The following PLEKHA5 variants were observed in gnomAD, a reference collection of about 807,000 sequenced individuals.
PLEKHA5 encodes the protein pleckstrin homology domain-containing family A member 5.
In PLEKHA5, 55 loss-of-function variants were observed where a neutral mutation model predicts 181.9. The observed-to-expected ratio is 0.30, with a 90% CI of 0.24 to 0.38. The LOEUF is 0.38. Among genes scored for constraint, PLEKHA5 ranks in the 10% least tolerant of loss-of-function variants. The probability of loss-of-function intolerance (pLI) is 1.00; values close to 1 mark genes in which losing one functional copy is unlikely to be tolerated. For synonymous variants in PLEKHA5, 535 were observed against 529.4 expected (o/e 1.01, Z -0.15); for missense variants, 1,432 against 1,549.5 (o/e 0.92, Z 1.27).
intron 3 of PLEKHA5, among the ~76,000 whole-genome samples, chr12:19,166,160 G>A (rs186932304): frequency 7.4e-4 from 113 of 152,184 alleles, no homozygotes; most frequent in Non-Finnish European, 1.4e-3. Context: ...TCAATAAACT[G>A]TGTGTGGGCT....
At chr12:19,175,978 C>T (rs934727982) in intron 3 of PLEKHA5, among the ~76,000 whole-genome samples, 5 of 152,038 alleles carry the variant, frequency 3.3e-5, no homozygotes, top group South Asian at 2.1e-4. Flanking sequence ...CTAAGAAATA[C>T]GTATTAAAAG....
chr12:19,284,552 T>C (rs553003448), intron 12 of PLEKHA5, among the ~76,000 whole-genome samples: 95 of 152,346 alleles, frequency 6.2e-4, no homozygotes, highest in Admixed American at 1.4e-3. Context: ...CTCGATTTAA[T>C]ATTGTAGCTT....
intron 31 of PLEKHA5, chr12:19,372,648 TGTCAGTTG>T (rs2095612108): frequency 6.6e-6 from 1 of 152,210 alleles, no homozygotes; most frequent in Non-Finnish European, 1.5e-5. Context: ...CTTCTGTTTT[TGTCAGTTG>T]GTATCTGTGC....
intron 30 of PLEKHA5, among the ~76,000 whole-genome samples, chr12:19,368,238 C>T (rs1293842691): frequency 6.6e-6 from 1 of 152,148 alleles, no homozygotes; most frequent in Admixed American, 6.6e-5. Flanking sequence ...CGCCTATAAT[C>T]TCAGCACTTT....
rs145502704 is a variant in PLEKHA5, at chr12:19,263,504, A to T, written c.611-2246A>T. 3.9e-3 allele frequency among the ~76,000 whole-genome samples: 594 copies of T among 152,328 alleles called. 3 individuals are homozygous for T. The highest frequency in any genetic ancestry group is 0.014 in the African/African-American group (573 of 41,566). On this transcript the variant is annotated intron_variant, in intron 7 of 31. Coordinates refer to ENST00000429027, the MANE Select transcript of PLEKHA5 (RefSeq NM_001256470.2). ...TCATTTCTTCTCCATTTCTCAAAGC[A>T]TCTAGTCTACTGACATAAAAAGTGT... is the stretch of plus-strand genomic sequence containing the variant.
Position 19,183,559 on chromosome 12 carries a change from G to T in PLEKHA5, c.227+51109G>T, listed in dbSNP as rs1289955982. ...ATTCAGATTGTAACGACACTTTAAT[G>T]TTAAGAGGCATGTCACTGAGAAGCA... On this transcript the variant is annotated intron_variant, in intron 3 of 31. Transcript: ENST00000429027. Among the ~76,000 whole-genome samples the T allele has an allele frequency of 2.0e-4, 31 of 152,146 alleles. 1 individual carries two copies. The highest frequency in any genetic ancestry group is 2.0e-3 in the Admixed American group (31 of 15,270).
At chr12:19,162,827 G>A (rs140710899) in intron 3 of PLEKHA5, among the ~76,000 whole-genome samples, 2 of 152,096 alleles carry the variant, frequency 1.3e-5, no homozygotes, top group Non-Finnish European at 2.9e-5. Flanking sequence ...TATAATTATG[G>A]GCGGTGATGG....
Position 19,347,074 on chromosome 12 carries a change from G to A in PLEKHA5, c.2790G>A (p.Leu930=). The change falls in exon 24 of 32, where the codon CTG becomes CTA. Residue 930 remains leucine (L), a synonymous_variant. Transcript: ENST00000429027. ...AGCAGCCTCCCATAATCCCCCCTCT[G>A]CCCAGTGATAGCAGCTCCTTGCTCT... ...FTEQPPIIPP[L]PSDSSSLLCY... 1.9e-6 allele frequency: 3 copies of A among 1,551,340 alleles called. No homozygotes were observed. Among genetic ancestry groups the A allele is most frequent in the Non-Finnish European group, 2.6e-6 (3 of 1,146,608 alleles).
chr12:19,254,934 A>T, intron 4 of PLEKHA5, 111 bp from the exon 5 acceptor site: 2 of 877,872 alleles, frequency 2.3e-6, no homozygotes, highest in South Asian at 5.3e-5. Context: ...AGTAACTAGG[A>T]TCCAAGTACT....
chr12:19,237,786 A>G (rs1445309118), intron 3 of PLEKHA5, among the ~76,000 whole-genome samples: 1 of 151,896 alleles, frequency 6.6e-6, no homozygotes, highest in Middle Eastern at 3.2e-3. Flanking sequence ...ATATCAATTC[A>G]TGTTTCTTTG....
chr12:19,271,129 T>A (rs1362729880), intron 10 of PLEKHA5, among the ~76,000 whole-genome samples: 7 of 152,170 alleles, frequency 4.6e-5, no homozygotes, highest in Non-Finnish European at 8.8e-5. Context: ...GTTTTTGGAA[T>A]TGCATGTGTA....
chr12:19,269,932 T>C (rs751088574), intron 9 of PLEKHA5, 47 bp downstream of exon 9: 7 of 986,246 alleles, frequency 7.1e-6, no homozygotes, highest in Non-Finnish European at 1.1e-5. Context: ...TTCCATTTTA[T>C]TCCATGCCTT....
chr12:19,332,982 A>G (rs1402904417), intron 20 of PLEKHA5, among the ~76,000 whole-genome samples: 3 of 152,126 alleles, frequency 2.0e-5, no homozygotes, highest in Non-Finnish European at 4.4e-5. Context: ...GTGTAACCAT[A>G]TACTCTTTGC....
chr12:19,288,180 G>A (rs1262855675), intron 13 of PLEKHA5: 1 of 225,686 alleles, frequency 4.4e-6, no homozygotes, highest in African/African-American at 2.3e-5. Context: ...ATTCATTAGT[G>A]AACAAATCCA....
intron 3 of PLEKHA5, among the ~76,000 whole-genome samples, chr12:19,189,408 GACT>G (rs1347791611): frequency 6.6e-6 from 1 of 152,222 alleles, no homozygotes; most frequent in Non-Finnish European, 1.5e-5. Flanking sequence ...TTTGCAGATA[GACT>G]ACATAGGATT....
chr12:19,324,807 T>C (rs1052942971), intron 20 of PLEKHA5, among the ~76,000 whole-genome samples: 3 of 152,058 alleles, frequency 2.0e-5, no homozygotes, highest in Admixed American at 1.3e-4. Context: ...TGTGAGAGGA[T>C]AGAAAATGTG....
At chr12:19,219,924 TTTC>T (rs1201723651) in intron 3 of PLEKHA5, among the ~76,000 whole-genome samples, 1 of 152,188 alleles carries the variant, frequency 6.6e-6, no homozygotes, top group African/African-American at 2.4e-5. Context: ...TCAAAACAAT[TTTC>T]TTCTTTCTAA....
intron 3 of PLEKHA5, chr12:19,201,674 A>G (rs2054238574): frequency 1.3e-5 from 2 of 152,106 alleles, no homozygotes; most frequent in Non-Finnish European, 2.9e-5. Context: ...CGATGACTGA[A>G]CTTTAAAACC....
chr12:19,317,093 G>C (rs774988217), intron 16 of PLEKHA5, among the ~76,000 whole-genome samples: 1 of 152,058 alleles, frequency 6.6e-6, no homozygotes, highest in Non-Finnish European at 1.5e-5. Context: ...CAGGCTTGTC[G>C]AGGTGGCTTA....
Sources: gnomAD v4.1 joint callset for allele counts (sites outside exome capture counted in the v4.1 genomes callset) on GRCh38, gnomAD v4.1.1 for gene constraint, MANE v1.5 for transcripts, NCBI Gene and HGNC (gene_info 2026-07-23, HGNC 2026-07-21) for gene names.